IL6R: variants seen among roughly 807,000 people sequenced by gnomAD.
IL6R encodes the protein interleukin 6 receptor.
Under a neutral mutation model 48.3 loss-of-function variants are expected in IL6R, and 38 were observed. That is an observed-to-expected ratio of 0.79 (90% CI 0.61 to 1.03). The LOEUF is 1.03. IL6R is among the 50% of genes least tolerant of loss of function. IL6R has a pLI of 0.00. For synonymous variants in IL6R, 264 were observed against 256.2 expected, an observed-to-expected ratio of 1.03 and a Z score of -0.29; for missense variants, 534 against 618.3, an observed-to-expected ratio of 0.86 and a Z score of 1.45.
intron 1 of IL6R, among the ~76,000 whole-genome samples, chr1:154,407,208 G>A (rs377427832): frequency 6.6e-6 from 1 of 152,340 alleles, no homozygotes; most frequent in African/African-American, 2.4e-5. Flanking sequence ...ATGCAAGACA[G>A]GTTCCAGGGC....
chr1:154,414,462 C>T lies in IL6R; in HGVS notation c.85+8748C>T. On this transcript the variant is annotated intron_variant, in intron 1 of 9. Transcript: ENST00000368485. The stretch of plus-strand genomic sequence containing the variant: ...TCTTCTGGCTCCTGCTGCTGGCCGG[C>T]AAAACTATATTAGTTGTTGGGGCCC... 4.3e-6 allele frequency: 5 copies of T among 1,163,856 alleles called. No individual in the cohort carries two copies. The South Asian group carries it at 5.1e-5, about 12-fold the overall frequency. The allele number at this position is 1,163,856 out of a possible 1,614,324, so 72.1% of individuals were successfully genotyped here.
chr1:154,414,300 G>C, intron 1 of IL6R: 1 of 732,084 alleles, frequency 1.4e-6, no homozygotes, highest in South Asian at 2.0e-5. Flanking sequence ...CTTTATTGGA[G>C]GAAACCTTGC....
At chr1:154,409,924 C>A (rs891815714) in intron 1 of IL6R, among the ~76,000 whole-genome samples, 1 of 152,096 alleles carries the variant, frequency 6.6e-6, no homozygotes, top group African/African-American at 2.4e-5. Context: ...GAATGCCTTG[C>A]TGAGAACATA....
intron 6 of IL6R, among the ~76,000 whole-genome samples, chr1:154,441,314 C>T (rs929848310): frequency 6.6e-5 from 10 of 152,306 alleles, no homozygotes; most frequent in East Asian, 5.8e-4. Context: ...GCACTGGGTA[C>T]GGTCTCCACT....
intron 1 of IL6R, among the ~76,000 whole-genome samples, chr1:154,410,463 C>G (rs1687957755): frequency 6.6e-6 from 1 of 152,174 alleles, no homozygotes; most frequent in Non-Finnish European, 1.5e-5. Context: ...ATGTTGCAGG[C>G]TGCTCTGGAA....
At chr1:154,422,043 T>C (rs1688699113) in intron 1 of IL6R, among the ~76,000 whole-genome samples, 1 of 151,944 alleles carries the variant, frequency 6.6e-6, no homozygotes, top group African/African-American at 2.4e-5. Flanking sequence ...GCCTCCTGGG[T>C]TCAAGTGATT....
At chr1:154,411,031 C>G (rs1414003246) in intron 1 of IL6R, among the ~76,000 whole-genome samples, 1 of 152,126 alleles carries the variant, frequency 6.6e-6, no homozygotes, top group Non-Finnish European at 1.5e-5. Flanking sequence ...AGATGAGAGG[C>G]CAGTTTTGCA....
intron 8 of IL6R, among the ~76,000 whole-genome samples, chr1:154,452,014 C>T (rs1423015132): frequency 6.6e-6 from 1 of 152,124 alleles, no homozygotes; most frequent in Non-Finnish European, 1.5e-5. Context: ...CCTCAGCAAG[C>T]GTTGTCCTTG....
rs367578267 is a variant in IL6R at position 154,429,307 on chromosome 1, C to A, written c.197C>A (p.Ala66Asp). 15 of 1,614,136 alleles carry A rather than the reference C, an allele frequency of 9.3e-6. No individual in the cohort carries two copies. In the African/African-American group the frequency reaches 1.6e-4, roughly 17 times the overall value. Residue 66 changes from alanine to aspartate, a missense_variant, in exon 2 of 10, where the codon GCT (alanine) becomes GAT (aspartate). Physicochemically the swap from Ala to Asp is moderately radical, Grantham distance 126 (BLOSUM62 -2). Coordinates refer to ENST00000368485, the MANE Select transcript of IL6R (RefSeq NM_000565.4). The part of the protein sequence containing the change: ...ATVHWVLRKP[A>D]AGSHPSRWAG... ...GTTCACTGGGTGCTCAGGAAGCCGG[C>A]TGCAGGCTCCCACCCCAGCAGATGG...
At chr1:154,455,661 C>A (rs1690835149) in intron 9 of IL6R, among the ~76,000 whole-genome samples, 1 of 150,930 alleles carries the variant, frequency 6.6e-6, no homozygotes, top group South Asian at 2.1e-4. Flanking sequence ...ACCGTGTCAG[C>A]CAGGATGGTC....
rs1439467363 is a variant in IL6R, at chr1:154,466,893, A to T, written c.*1513A>T. 6.5e-6 allele frequency: 1 copy of T among 153,548 alleles called. No homozygotes were observed. Among genetic ancestry groups the T allele is most frequent in the East Asian group, 1.9e-4 (1 of 5,310 alleles). The allele number at this position is 153,548 out of a possible 1,614,324, so 9.5% of individuals were successfully genotyped here. On this transcript the variant is annotated 3_prime_UTR_variant, in exon 10 of 10. Transcript: ENST00000368485. ...AAAGAAAAAATATTTTCCCTATTAGAGAAGAGATTGTGGTTTCATTCTGTA... is the reference window on the plus strand; with the variant it reads ...AAAGAAAAAATATTTTCCCTATTAGTGAAGAGATTGTGGTTTCATTCTGTA...
At chr1:154,429,169 T>C (rs1689147844) in intron 1 of IL6R, 27 bp from the exon 2 acceptor site, 1 of 1,595,816 alleles carries the variant, frequency 6.3e-7, no homozygotes, top group African/African-American at 1.3e-5. Flanking sequence ...GGCTGTGGGC[T>C]CACCAAGTGT....
intron 9 of IL6R, among the ~76,000 whole-genome samples, chr1:154,463,474 A>T (rs1242629930): frequency 6.6e-6 from 1 of 152,234 alleles, no homozygotes; most frequent in Non-Finnish European, 1.5e-5. Context: ...TAACCTGTCG[A>T]TATAAAAAGA....
At position 154,468,720 on chromosome 1, in the gene IL6R, G is replaced by A. The variant is rs1170081374; in HGVS notation, c.*3340G>A. The A allele has an allele frequency of 6.6e-6, 1 of 152,304 alleles. No individual in the cohort carries two copies. The highest frequency in any genetic ancestry group is 2.4e-5 in the African/African-American group (1 of 41,464). 9.4% of individuals were successfully genotyped at this position (152,304 alleles called of 1,614,324 possible). ...CCCACCTGGTAGTGAACAGGGCCCA[G>A]TGGGGCAGGCTGGGCATGTTGTGGT... is the stretch of plus-strand genomic sequence containing the variant. On this transcript the variant is annotated 3_prime_UTR_variant, in exon 10 of 10. Coordinates refer to ENST00000368485, the MANE Select transcript of IL6R (RefSeq NM_000565.4).
At position 154,409,268 on chromosome 1, in the gene IL6R, C is replaced by T. The variant is rs1054099728; in HGVS notation, c.85+3554C>T. 7.2e-5 allele frequency among the ~76,000 whole-genome samples: 11 copies of T among 152,304 alleles called. No individual in the cohort carries two copies. The East Asian group carries it at 9.6e-4, about 13-fold the overall frequency. ...TGCAGATACAGATCTCTTCCATCAT[C>T]GTGGAAAGCCCTACTGGACGGTGCT... On this transcript the variant is annotated intron_variant, in intron 1 of 9. Coordinates refer to ENST00000368485, the MANE Select transcript of IL6R (RefSeq NM_000565.4).
At chr1:154,450,799 C>G (rs1197634708) in intron 8 of IL6R, among the ~76,000 whole-genome samples, 1 of 152,370 alleles carries the variant, frequency 6.6e-6, no homozygotes. Context: ...CCTGATGACT[C>G]TTGGGCTTCG....
intron 9 of IL6R, among the ~76,000 whole-genome samples, chr1:154,462,811 TTA>T: frequency 6.6e-6 from 1 of 152,120 alleles, no homozygotes; most frequent in East Asian, 1.9e-4. Context: ...AATTAATTAA[TTA>T]ATTTATTTAT....
At chr1:154,431,078 C>T (rs920506149) in intron 3 of IL6R, among the ~76,000 whole-genome samples, 27 of 151,500 alleles carry the variant, frequency 1.8e-4, no homozygotes, top group African/African-American at 3.4e-4. Flanking sequence ...CCCTTGTGGG[C>T]GTATCAGGCT....
At chr1:154,454,106 G>A (rs775857379) in intron 8 of IL6R, 3 of 235,610 alleles carry the variant, frequency 1.3e-5, no homozygotes, top group Non-Finnish European at 2.5e-5. Flanking sequence ...AAAGCCTTCC[G>A]TTTGTTGTAC....
Sources: gnomAD v4.1 joint callset for allele counts (sites outside exome capture counted in the v4.1 genomes callset) on GRCh38, gnomAD v4.1.1 for gene constraint, MANE v1.5 for transcripts, NCBI Gene and HGNC (gene_info 2026-07-23, HGNC 2026-07-21) for gene names.